PRPF18: variants seen among roughly 807,000 people sequenced by gnomAD.
PRPF18 encodes pre-mRNA-splicing factor 18.
Under a neutral mutation model 46.5 loss-of-function variants are expected in PRPF18, and 38 were observed. The ratio of observed to expected loss-of-function variants is 0.82; its 90% confidence interval spans 0.63 to 1.07. The LOEUF is 1.07. Among genes scored for constraint, PRPF18 ranks in the 50% least tolerant of loss-of-function variants. The pLI, the probability that PRPF18 is intolerant of heterozygous loss-of-function variation, is 0.00. For synonymous variants in PRPF18, 152 were observed against 146.7 expected (o/e 1.04, Z -0.26); for missense variants, 263 against 410.0 (o/e 0.64, Z 3.10).
chr10:13,639,942 G>A, the PRPF18 span: 1 of 152,234 alleles, frequency 6.6e-6, no homozygotes, highest in African/African-American at 2.4e-5. Context: ...CAGAAGCTGA[G>A]CAGTGGCTGT....
intron 1 of PRPF18, chr10:13,592,030 TC>T: frequency 1.6e-6 from 1 of 633,018 alleles, no homozygotes; most frequent in South Asian, 1.5e-5. Flanking sequence ...GTACTACCAT[TC>T]TTGTCACCAC....
At chr10:13,597,725 A>G in intron 2 of PRPF18, 190 bp downstream of exon 2, 1 of 1,473,126 alleles carries the variant, frequency 6.8e-7, no homozygotes, top group Non-Finnish European at 9.3e-7. Context: ...AGGAAAATAC[A>G]TGCATGACTT....
intron 5 of PRPF18, among the ~76,000 whole-genome samples, chr10:13,610,772 A>G (rs1268885894): frequency 6.6e-6 from 1 of 152,142 alleles, no homozygotes. Context: ...TTATATATGT[A>G]TATTTAACTT....
At chr10:13,594,225 C>T (rs1024860412) in intron 1 of PRPF18, among the ~76,000 whole-genome samples, 13 of 152,128 alleles carry the variant, frequency 8.5e-5, no homozygotes, top group Admixed American at 2.6e-4. Flanking sequence ...ACTATATTTG[C>T]GAAAACAAAC....
At chr10:13,628,028 A>G (rs545787973) in intron 9 of PRPF18, among the ~76,000 whole-genome samples, 1 of 152,206 alleles carries the variant, frequency 6.6e-6, no homozygotes, top group Non-Finnish European at 1.5e-5. Context: ...CTACCGATCA[A>G]AGTTCTGCAT....
chr10:13,613,828 C>G lies in PRPF18; in HGVS notation c.667C>G (p.Gln223Glu). 1 of 1,614,010 alleles carries G rather than the reference C, an allele frequency of 6.2e-7. No homozygotes were observed. Among genetic ancestry groups the G allele is most frequent in the Non-Finnish European group, 8.5e-7 (1 of 1,179,984 alleles). The change falls in exon 7 of 10, where the codon CAG becomes GAG. Residue 223 changes from glutamine to glutamate, a missense_variant. Gln to Glu is a conservative substitution (Grantham distance 29). Around this residue, in one of 4 missense-constraint regions of PRPF18, gnomAD observed 155 missense variants for 245.1 expected, o/e 0.63. Coordinates refer to ENST00000378572, the MANE Select transcript of PRPF18 (RefSeq NM_003675.4). ...GCAGGGTAAACTGAACAGTGCGACCCAGAAACAGACCGAGTCCTACCTAAG... is the reference window on the plus strand; with the variant it reads ...GCAGGGTAAACTGAACAGTGCGACCGAGAAACAGACCGAGTCCTACCTAAG... Reference protein sequence around the residue: ...SVQGKLNSATQKQTESYLRPL... With the variant: ...SVQGKLNSATEKQTESYLRPL...
chr10:13,591,996 A>G, intron 1 of PRPF18: 1 of 876,998 alleles, frequency 1.1e-6, no homozygotes, highest in Non-Finnish European at 1.8e-6. Context: ...ATATCTAGGC[A>G]TTTTATGAAG....
In PRPF18 at chr10:13,587,207, G is replaced by A. The variant is rs540135860; in HGVS notation, c.66+55G>A. The A allele has an allele frequency of 6.5e-6, 10 of 1,540,402 alleles. No individual in the cohort carries two copies. In the African/African-American group the frequency reaches 6.8e-5, roughly 10 times the overall value. On this transcript the variant is annotated intron_variant, in intron 1 of 9. Transcript: ENST00000378572. ...ATGTAAGAGTGAGAGTATGTGTGTCGGGGTTTTGGGGTGAGGGTGACGATA... is the reference window on the plus strand; with the variant it reads ...ATGTAAGAGTGAGAGTATGTGTGTCAGGGTTTTGGGGTGAGGGTGACGATA...
intron 8 of PRPF18, 49 bp from the exon 9 acceptor site, chr10:13,616,349 C>T (rs763989194): frequency 6.6e-6 from 10 of 1,523,738 alleles, no homozygotes; most frequent in Non-Finnish European, 9.0e-6. Context: ...GAATTTGAGC[C>T]AGTACAACAT....
At chr10:13,638,492 C>T in the PRPF18 span, among the ~76,000 whole-genome samples, 1 of 151,888 alleles carries the variant, frequency 6.6e-6, no homozygotes, top group Non-Finnish European at 1.5e-5. Flanking sequence ...GTGATCTGTA[C>T]CCCGCAAGCT....
the PRPF18 span, chr10:13,639,040 T>G: frequency 6.6e-6 from 1 of 152,240 alleles, no homozygotes; most frequent in Non-Finnish European, 1.5e-5. Context: ...GCCATGGTGC[T>G]GAGGTCTTTG....
intron 9 of PRPF18, among the ~76,000 whole-genome samples, chr10:13,623,936 A>T (rs1187907052): frequency 6.6e-6 from 1 of 152,242 alleles, no homozygotes; most frequent in African/African-American, 2.4e-5. Context: ...CATACATAAC[A>T]TAAAATTTAC....
intron 5 of PRPF18, among the ~76,000 whole-genome samples, chr10:13,610,599 T>C (rs568055721): frequency 6.6e-6 from 1 of 152,352 alleles, no homozygotes; most frequent in African/African-American, 2.4e-5. Context: ...TTTTAATTGC[T>C]ACATAGGATT....
intron 1 of PRPF18, among the ~76,000 whole-genome samples, chr10:13,587,396 C>T (rs913645745): frequency 1.3e-5 from 2 of 152,168 alleles, no homozygotes; most frequent in Non-Finnish European, 2.9e-5. Context: ...AAAGCTGGAT[C>T]AAAAGGAAAA....
intron 1 of PRPF18, chr10:13,591,699 G>A (rs1453091604): frequency 1.3e-6 from 1 of 774,716 alleles, no homozygotes; most frequent in Non-Finnish European, 2.1e-6. Flanking sequence ...GATGTTTTGG[G>A]ATTTTTACAT....
intron 4 of PRPF18, 30 bp from the exon 5 acceptor site, chr10:13,610,009 A>G: frequency 4.5e-6 from 7 of 1,560,528 alleles, no homozygotes; most frequent in Non-Finnish European, 5.3e-6. Flanking sequence ...CTTTCATAAC[A>G]GGTGTTCTTC....
the PRPF18 span, chr10:13,640,610 AAGACCTAT>A: frequency 0.55 from 84,096 of 151,588 alleles, 23,701 homozygotes; most frequent in East Asian, 0.79. Context: ...CAGTCTCCTC[AAGACCTAT>A]GTCCAATCAG....
At chr10:13,616,862 T>A (rs1199685650) in intron 9 of PRPF18, among the ~76,000 whole-genome samples, 1 of 152,124 alleles carries the variant, frequency 6.6e-6, no homozygotes, top group Non-Finnish European at 1.5e-5. Flanking sequence ...GTTGAGCTCA[T>A]CAGAGAAATG....
intron 4 of PRPF18, among the ~76,000 whole-genome samples, chr10:13,609,497 A>G (rs574708901): frequency 6.6e-6 from 1 of 152,250 alleles, no homozygotes; most frequent in African/African-American, 2.4e-5. Flanking sequence ...ATTTTTAGGA[A>G]GATGAGGCTT....
Sources: gnomAD v4.1 joint callset for allele counts (sites outside exome capture counted in the v4.1 genomes callset) on GRCh38, gnomAD v4.1.1 for gene constraint, gnomAD v4.1.1 regional missense constraint, MANE v1.5 for transcripts, NCBI Gene and HGNC (gene_info 2026-07-23, HGNC 2026-07-21) for gene names.